HS3ST4: variants seen among roughly 807,000 people sequenced by gnomAD.
The protein encoded by HS3ST4 is heparan sulfate-glucosamine 3-sulfotransferase 4.
In HS3ST4, 17 loss-of-function variants were observed where a neutral mutation model predicts 29.2. That is an observed-to-expected ratio of 0.58 (90% CI 0.40 to 0.87). HS3ST4 has a LOEUF of 0.87. Among genes scored for constraint, HS3ST4 ranks in the 40% least tolerant of loss-of-function variants. The probability of loss-of-function intolerance (pLI) is 0.00; values close to 1 mark genes in which losing one functional copy is unlikely to be tolerated. For missense variants in HS3ST4, 627 were observed against 634.5 expected, an observed-to-expected ratio of 0.99 and a Z score of 0.13; for synonymous variants, 314 against 285.7, an observed-to-expected ratio of 1.10 and a Z score of -1.00.
At chr16:25,997,812 G>A (rs1969170341) in intron 1 of HS3ST4, among the ~76,000 whole-genome samples, 1 of 152,116 alleles carries the variant, frequency 6.6e-6, no homozygotes, top group South Asian at 2.1e-4. Flanking sequence ...GCTTAGAATG[G>A]GGAGTAATTG....
At chr16:25,775,303 G>C (rs1966846579) in intron 1 of HS3ST4, among the ~76,000 whole-genome samples, 1 of 152,172 alleles carries the variant, frequency 6.6e-6, no homozygotes, top group African/African-American at 2.4e-5. Context: ...GCTGTTGCCT[G>C]CCTCTTGCCC....
At chr16:25,885,806 G>C (rs960525305) in intron 1 of HS3ST4, among the ~76,000 whole-genome samples, 1 of 151,656 alleles carries the variant, frequency 6.6e-6, no homozygotes, top group Non-Finnish European at 1.5e-5. Flanking sequence ...GAATATAAAT[G>C]GAAAAGAAAC....
At chr16:25,991,356 G>A (rs1199436974) in intron 1 of HS3ST4, among the ~76,000 whole-genome samples, 6 of 152,104 alleles carry the variant, frequency 3.9e-5, no homozygotes, top group Non-Finnish European at 7.4e-5. Context: ...TATTTAACAC[G>A]TTTAATCACT....
At chr16:25,876,899 G>T (rs1967838745) in intron 1 of HS3ST4, among the ~76,000 whole-genome samples, 1 of 151,962 alleles carries the variant, frequency 6.6e-6, no homozygotes, top group South Asian at 2.1e-4. Context: ...CTTGTATCAT[G>T]TTTTGGTTGT....
chr16:25,902,195 C>T (rs905316555), intron 1 of HS3ST4, among the ~76,000 whole-genome samples: 2 of 152,296 alleles, frequency 1.3e-5, no homozygotes, highest in Non-Finnish European at 2.9e-5. Flanking sequence ...TGTTGTCACC[C>T]CTACACTTTC....
chr16:25,779,121 GTT>G (rs1206199451), intron 1 of HS3ST4, among the ~76,000 whole-genome samples: 1 of 152,164 alleles, frequency 6.6e-6, no homozygotes, highest in Non-Finnish European at 1.5e-5. Flanking sequence ...CAACACAGGG[GTT>G]GGCCTAGGCT....
chr16:25,778,120 A>G lies in HS3ST4; in HGVS notation c.734+84969A>G, dbSNP rs1374172410. Among the ~76,000 whole-genome samples, 6 of 150,836 alleles carry G rather than the reference A, an allele frequency of 4.0e-5. No homozygotes were observed. The East Asian group carries it at 1.2e-3, about 30-fold the overall frequency. On this transcript the variant is annotated intron_variant, in intron 1 of 1. Coordinates refer to ENST00000331351, the MANE Select transcript of HS3ST4 (RefSeq NM_006040.3). ...TTTTAAAAAGTGTGATTACTCATAT[A>G]CACACATACATACTAAAATATATAT...
chr16:25,914,591 A>G (rs1220702674), intron 1 of HS3ST4, among the ~76,000 whole-genome samples: 2 of 135,234 alleles, frequency 1.5e-5, no homozygotes, highest in Admixed American at 1.5e-4. Context: ...TGTGGGGAGT[A>G]TGTGTATGGT....
chr16:25,857,892 T>TTCTTTCTTTTTC (rs746061513), intron 1 of HS3ST4, among the ~76,000 whole-genome samples: 6 of 82,672 alleles, frequency 7.3e-5, no homozygotes. Flanking sequence ...CTTTCTTTCT[T>TTCTTTCTTTTTC]TTTCTTTCTT....
intron 1 of HS3ST4, among the ~76,000 whole-genome samples, chr16:25,885,173 G>T (rs1046089620): frequency 6.6e-5 from 10 of 152,192 alleles, no homozygotes; most frequent in African/African-American, 2.2e-4. Context: ...GGATCAGAAA[G>T]TACCTTTAAT....
intron 1 of HS3ST4, among the ~76,000 whole-genome samples, chr16:25,736,132 A>C (rs1385512221): frequency 6.6e-6 from 1 of 152,200 alleles, no homozygotes; most frequent in Non-Finnish European, 1.5e-5. Context: ...ATTTGCTTCA[A>C]AACAGGGCTT....
chr16:25,876,438 T>G (rs1967834192), intron 1 of HS3ST4, among the ~76,000 whole-genome samples: 1 of 152,134 alleles, frequency 6.6e-6, no homozygotes, highest in Non-Finnish European at 1.5e-5. Flanking sequence ...GATCTGCTGT[T>G]GTTCTTGGCT....
intron 1 of HS3ST4, among the ~76,000 whole-genome samples, chr16:25,693,532 C>G (rs1009089841): frequency 6.6e-6 from 1 of 152,266 alleles, no homozygotes; most frequent in African/African-American, 2.4e-5. Flanking sequence ...AGGAGTGAGA[C>G]AGGATGGCTA....
intron 1 of HS3ST4, among the ~76,000 whole-genome samples, chr16:25,761,001 A>C (rs59267917): frequency 0.015 from 2,329 of 152,042 alleles, 57 homozygotes; most frequent in African/African-American, 0.052. Context: ...AGCAAAAGGC[A>C]AGCCAGATGG....
chr16:25,908,011 T>C (rs2141676719), intron 1 of HS3ST4, among the ~76,000 whole-genome samples: 1 of 152,352 alleles, frequency 6.6e-6, no homozygotes, highest in South Asian at 2.1e-4. Flanking sequence ...CATTTAATTT[T>C]CCTTTAGTTA....
intron 1 of HS3ST4, among the ~76,000 whole-genome samples, chr16:25,864,788 A>G (rs1197299745): frequency 6.6e-6 from 1 of 151,866 alleles, no homozygotes. Context: ...GTGTATACAT[A>G]TATTTGTTGT....
At chr16:25,805,479 C>G (rs1462151893) in intron 1 of HS3ST4, among the ~76,000 whole-genome samples, 1 of 152,096 alleles carries the variant, frequency 6.6e-6, no homozygotes, top group African/African-American at 2.4e-5. Context: ...CATGAGCTCT[C>G]CCACTTCATG....
chr16:26,015,538 A>T (rs918315360), intron 1 of HS3ST4, among the ~76,000 whole-genome samples: 12 of 152,222 alleles, frequency 7.9e-5, no homozygotes, highest in Non-Finnish European at 1.8e-4. Flanking sequence ...GATTGAATTA[A>T]TGCCCACATG....
At position 25,929,109 on chromosome 16, in the gene HS3ST4, C is replaced by T. The variant is rs138758876; in HGVS notation, c.735-206503C>T. ...AGAAACTGAGTCTCAGGTGGACCGG[C>T]GTGGGGGCTCACGCCTATAATCCCA... On this transcript the variant is annotated intron_variant, in intron 1 of 1. Coordinates refer to ENST00000331351, the MANE Select transcript of HS3ST4 (RefSeq NM_006040.3). 3.8e-3 allele frequency among the ~76,000 whole-genome samples: 582 copies of T among 152,216 alleles called. 12 individuals are homozygous for T. Among genetic ancestry groups the T allele is most frequent in the Middle Eastern group, 6.8e-3 (2 of 294 alleles).
Sources: gnomAD v4.1 joint callset for allele counts (sites outside exome capture counted in the v4.1 genomes callset) on GRCh38, gnomAD v4.1.1 for gene constraint, MANE v1.5 for transcripts, NCBI Gene and HGNC (gene_info 2026-07-23, HGNC 2026-07-21) for gene names.